WASF3: variants seen among roughly 807,000 people sequenced by gnomAD.
The protein encoded by WASF3 is actin-binding protein WASF3.
Under a neutral mutation model 46.6 loss-of-function variants are expected in WASF3, and 11 were observed. That is an observed-to-expected ratio of 0.24 (90% confidence interval 0.15 to 0.39). WASF3 has a LOEUF of 0.39. WASF3 is among the 10% of genes least tolerant of loss of function. The probability of loss-of-function intolerance (pLI) is 1.00; values close to 1 mark genes in which losing one functional copy is unlikely to be tolerated. For synonymous variants in WASF3, 242 were observed against 259.7 expected (o/e 0.93, Z 0.65); for missense variants, 576 against 669.8 (o/e 0.86, Z 1.55).
At chr13:26,673,298 T>G (rs1882972842) in intron 6 of WASF3, among the ~76,000 whole-genome samples, 1 of 152,216 alleles carries the variant, frequency 6.6e-6, no homozygotes, top group African/African-American at 2.4e-5. Context: ...TTAAAATCAT[T>G]TGTTATTTCC....
At chr13:26,612,810 A>T (rs1172320148) in intron 1 of WASF3, among the ~76,000 whole-genome samples, 151 bp from the exon 2 acceptor site, 1 of 152,210 alleles carries the variant, frequency 6.6e-6, no homozygotes, top group Non-Finnish European at 1.5e-5. Flanking sequence ...ACACCTTATT[A>T]GCTCCTTACT....
intron 1 of WASF3, among the ~76,000 whole-genome samples, chr13:26,566,657 G>A (rs1040443795): frequency 6.6e-6 from 1 of 152,218 alleles, no homozygotes. Flanking sequence ...CTGGGAACCT[G>A]CTTGGTTCAG....
intron 2 of WASF3, among the ~76,000 whole-genome samples, chr13:26,615,539 C>T (rs1365522013): frequency 1.3e-5 from 2 of 152,080 alleles, no homozygotes; most frequent in Non-Finnish European, 2.9e-5. Context: ...GATCTCCTGA[C>T]CTTGTGATCC....
At chr13:26,624,596 A>G (rs534107745) in intron 2 of WASF3, among the ~76,000 whole-genome samples, 2 of 152,302 alleles carry the variant, frequency 1.3e-5, no homozygotes, top group East Asian at 3.9e-4. Flanking sequence ...GAAACAACTA[A>G]TAAGACAAAC....
intron 2 of WASF3, among the ~76,000 whole-genome samples, chr13:26,633,353 C>CT: frequency 6.6e-6 from 1 of 152,006 alleles, no homozygotes; most frequent in South Asian, 2.1e-4. Flanking sequence ...CAGGCATGTG[C>CT]CACCACGTCC....
intron 7 of WASF3, among the ~76,000 whole-genome samples, 166 bp downstream of exon 7, chr13:26,676,890 A>C (rs1446439936): frequency 2.6e-5 from 4 of 152,244 alleles, no homozygotes; most frequent in African/African-American, 9.6e-5. Context: ...TTGAAATAAT[A>C]CTTGAAGACA....
chr13:26,678,160 A>G (rs1308634063), intron 7 of WASF3, among the ~76,000 whole-genome samples: 1 of 152,138 alleles, frequency 6.6e-6, no homozygotes, highest in African/African-American at 2.4e-5. Context: ...GTCTCCTACT[A>G]TTTCCCATGG....
chr13:26,593,533 T>C (rs950852525), intron 1 of WASF3, among the ~76,000 whole-genome samples: 8 of 152,252 alleles, frequency 5.3e-5, no homozygotes, highest in African/African-American at 1.9e-4. Context: ...TCAGGTATTT[T>C]TATGTAATTG....
intron 2 of WASF3, among the ~76,000 whole-genome samples, chr13:26,637,653 T>C (rs866498688): frequency 1.3e-5 from 2 of 152,264 alleles, no homozygotes; most frequent in Admixed American, 6.5e-5. Context: ...CCAACTCCGC[T>C]GCTTTTCTGG....
At chr13:26,647,316 A>C (rs1351121128) in intron 3 of WASF3, among the ~76,000 whole-genome samples, 5 of 152,198 alleles carry the variant, frequency 3.3e-5, no homozygotes, top group Non-Finnish European at 7.3e-5. Flanking sequence ...CAGTGTGAGC[A>C]ATCAGAGTGG....
intron 2 of WASF3, among the ~76,000 whole-genome samples, chr13:26,616,153 G>A (rs1416539039): frequency 1.3e-5 from 2 of 152,180 alleles, no homozygotes; most frequent in African/African-American, 2.4e-5. Flanking sequence ...TGGCTGGATC[G>A]TGTGATAAGT....
chr13:26,634,571 A>C (rs1158969417), intron 2 of WASF3, among the ~76,000 whole-genome samples: 14 of 152,280 alleles, frequency 9.2e-5, no homozygotes, highest in African/African-American at 3.4e-4. Flanking sequence ...GATCCAGTTT[A>C]TTCATAGCAT....
chr13:26,588,532 A>G (rs1330932234), intron 1 of WASF3, among the ~76,000 whole-genome samples: 1 of 152,192 alleles, frequency 6.6e-6, no homozygotes, highest in Non-Finnish European at 1.5e-5. Flanking sequence ...GTCAAATAGT[A>G]TCCCCAAATC....
chr13:26,568,209 A>C (rs1879530175), intron 1 of WASF3, among the ~76,000 whole-genome samples: 1 of 152,096 alleles, frequency 6.6e-6, no homozygotes, highest in African/African-American at 2.4e-5. Context: ...TTTAAGTTAG[A>C]TTGTAAGAGG....
At chr13:26,654,088 C>T (rs957882954) in intron 3 of WASF3, among the ~76,000 whole-genome samples, 10 of 152,054 alleles carry the variant, frequency 6.6e-5, no homozygotes, top group Admixed American at 1.3e-4. Flanking sequence ...GTCACTATTC[C>T]GATCCAAGTC....
At chr13:26,628,689 G>T (rs954811822) in intron 2 of WASF3, among the ~76,000 whole-genome samples, 3 of 152,150 alleles carry the variant, frequency 2.0e-5, no homozygotes, top group African/African-American at 4.8e-5. Flanking sequence ...GTACCGTGGT[G>T]GCATCCAGAA....
chr13:26,680,334 GC>G lies in WASF3; in HGVS notation c.717-717del, dbSNP rs1427120454. ...AGGAGCGTGTGACTGTCTTACTAAC[GC>G]CCACGGCACTGCCGGGCTGCCACAC... On this transcript the variant is annotated intron_variant, in intron 7 of 9. Coordinates refer to ENST00000335327, the MANE Select transcript of WASF3 (RefSeq NM_006646.6). 3.6e-6 allele frequency: 4 copies of G among 1,100,404 alleles called. No individual in the cohort carries two copies. In the African/African-American group the frequency reaches 6.5e-5, roughly 18 times the overall value. 68.2% of individuals were successfully genotyped at this position (1,100,404 alleles called of 1,614,324 possible).
At chr13:26,636,600 C>T in intron 2 of WASF3, among the ~76,000 whole-genome samples, 1 of 152,236 alleles carries the variant, frequency 6.6e-6, no homozygotes, top group African/African-American at 2.4e-5. Flanking sequence ...GTCGATCATG[C>T]TGGGAGCTGC....
intron 2 of WASF3, among the ~76,000 whole-genome samples, chr13:26,624,842 A>G (rs1221568333): frequency 6.6e-6 from 1 of 152,192 alleles, no homozygotes; most frequent in Non-Finnish European, 1.5e-5. Context: ...ACATTTTTAA[A>G]GTATCAAGAG....
Sources: gnomAD v4.1 joint callset for allele counts (sites outside exome capture counted in the v4.1 genomes callset) on GRCh38, gnomAD v4.1.1 for gene constraint, MANE v1.5 for transcripts, NCBI Gene and HGNC (gene_info 2026-07-23, HGNC 2026-07-21) for gene names.